PLXNA1: variants seen among roughly 807,000 people sequenced by gnomAD.
PLXNA1 encodes plexin A1.
A neutral mutation model predicts 191.7 loss-of-function variants in PLXNA1; 77 were observed. The ratio of observed to expected loss-of-function variants is 0.40; its 90% CI spans 0.33 to 0.49. The LOEUF (loss-of-function observed/expected upper bound fraction) is 0.49. Among genes scored for constraint, PLXNA1 ranks in the 20% least tolerant of loss-of-function variants. PLXNA1 has a pLI of 0.63. For synonymous variants in PLXNA1, 1,137 were observed against 1,156.4 expected (o/e 0.98, Z 0.34); for missense variants, 2,110 against 2,660.2 (o/e 0.79, Z 4.55).
Position 127,014,562 on chromosome 3 carries a change from C to A in PLXNA1, c.2689C>A (p.Arg897Ser). The change falls in exon 13 of 32, where the codon CGT (arginine) becomes AGT (serine). Residue 897 changes from arginine to serine, a missense_variant. By Grantham distance (110) the Arg-to-Ser change is moderately radical (BLOSUM62 -1). Transcript: ENST00000393409. ...ENLGLRFEDV[R>S]LGVRVGKVLC... Reference sequence around the variant, plus strand: ...CCTGGGCCTGCGATTCGAAGACGTGCGTCTGGGCGTGCGCGTGGGCAAGGT... The same window carrying A: ...CCTGGGCCTGCGATTCGAAGACGTGAGTCTGGGCGTGCGCGTGGGCAAGGT... The A allele has an allele frequency of 1.2e-6, 2 of 1,612,586 alleles. No homozygotes were observed. The highest frequency in any genetic ancestry group is 1.7e-6 in the Non-Finnish European group (2 of 1,179,858).
rs1029037668 is a variant in PLXNA1 at position 127,037,116 on chromosome 3, A to G, written c.*3099A>G. 1.3e-5 allele frequency: 2 copies of G among 152,546 alleles called. No individual in the cohort carries two copies. The highest frequency in any genetic ancestry group is 2.4e-5 in the African/African-American group (1 of 41,462). 9.4% of individuals were successfully genotyped at this position (152,546 alleles called of 1,614,324 possible). ...GCTCACGTTGGTGCTACACAGCTAG[A>G]ATAGATATATTTAGAGAGAGAGATA... On this transcript the variant is annotated 3_prime_UTR_variant, in exon 32 of 32. Coordinates refer to ENST00000393409, the MANE Select transcript of PLXNA1 (RefSeq NM_032242.4).
At chr3:127,023,760 G>C (rs562755374) in intron 23 of PLXNA1, among the ~76,000 whole-genome samples, 4 of 152,204 alleles carry the variant, frequency 2.6e-5, no homozygotes, top group African/African-American at 9.6e-5. Context: ...TGCCGGGAGA[G>C]ACACTGGACG....
chr3:127,029,144 G>A, intron 26 of PLXNA1, 48 bp downstream of exon 26: 2 of 1,426,246 alleles, frequency 1.4e-6, no homozygotes, highest in Non-Finnish European at 9.8e-7. Context: ...TCCCCTTGGG[G>A]CTTCCACAGC....
rs1576690233 is a variant in PLXNA1 at position 127,027,157 on chromosome 3, C to T, written c.4363-783C>T. ...CTGAAGAGGGCACATTGGGTTGGGT[C>T]CACAAGGGCCCATGAAGATGCCAGG... is the stretch of plus-strand genomic sequence containing the variant. On this transcript the variant is annotated intron_variant, in intron 23 of 31. Coordinates refer to ENST00000393409, the MANE Select transcript of PLXNA1 (RefSeq NM_032242.4). 2.7e-5 allele frequency: 5 copies of T among 185,266 alleles called. No homozygotes were observed. In the South Asian group the frequency reaches 6.0e-4, roughly 22 times the overall value. 11.5% of individuals were successfully genotyped at this position (185,266 alleles called of 1,614,324 possible). A position where few individuals can be genotyped will look rare whatever the true frequency, so the allele number is the denominator to read the frequency against.
chr3:127,005,953 G>T, intron 7 of PLXNA1, 126 bp from the exon 8 acceptor site: 8 of 749,154 alleles, frequency 1.1e-5, no homozygotes, highest in Non-Finnish European at 1.7e-5. Context: ...GGCTGGATGC[G>T]TGTTTGATGC....
At chr3:127,022,713 T>G (rs757326106) in intron 22 of PLXNA1, 39 bp from the exon 23 acceptor site, 7 of 1,583,644 alleles carry the variant, frequency 4.4e-6, no homozygotes, top group Middle Eastern at 1.7e-4. Flanking sequence ...GCTGGACAGC[T>G]GGAATGACAC....
intron 9 of PLXNA1, among the ~76,000 whole-genome samples, chr3:127,011,240 A>T (rs2079094137): frequency 6.6e-6 from 1 of 152,172 alleles, no homozygotes; most frequent in Non-Finnish European, 1.5e-5. Context: ...CAGTGGACAC[A>T]GGAGCATCCC....
At chr3:127,008,956 G>A (rs973315397) in intron 9 of PLXNA1, among the ~76,000 whole-genome samples, 1 of 152,146 alleles carries the variant, frequency 6.6e-6, no homozygotes, top group Non-Finnish European at 1.5e-5. Flanking sequence ...GGGTATGCAG[G>A]AGCCAGGGAC....
rs372990520 is a variant in PLXNA1, at chr3:126,991,396, G to T, written c.1207G>T (p.Asp403Tyr). Residue 403 changes from aspartate to tyrosine, a missense_variant, in exon 3 of 32, where the codon GAT becomes TAT. Asp to Tyr is a radical substitution (Grantham distance 160). Around this residue, in one of 4 missense-constraint regions of PLXNA1, gnomAD observed 903 missense variants for 1,015.7 expected, o/e 0.89. Coordinates refer to ENST00000393409, the MANE Select transcript of PLXNA1 (RefSeq NM_032242.4). ...CCCCTTCCCACAGCCCCTGCAGATC[G>T]ATGACGACTTCTGCGGGCAGGACTT... ...LGCINSPLQI[D>Y]DDFCGQDFNQ... The T allele has an allele frequency of 6.8e-6, 11 of 1,612,732 alleles. No homozygotes were observed. In the East Asian group the frequency reaches 8.9e-5, roughly 13 times the overall value.
At chr3:127,018,640 A>G in intron 20 of PLXNA1, 112 bp downstream of exon 20, 1 of 832,710 alleles carries the variant, frequency 1.2e-6, no homozygotes, top group Non-Finnish European at 1.9e-6. Context: ...CTCAGTTTAC[A>G]ATGTTCCTGA....
intron 29 of PLXNA1, chr3:127,031,804 A>G (rs1051445902): frequency 1.3e-5 from 2 of 154,296 alleles, no homozygotes; most frequent in African/African-American, 4.8e-5. Flanking sequence ...GTTCTGTCAC[A>G]GTGGAACATT....
chr3:127,032,936 T>A, intron 31 of PLXNA1, 100 bp downstream of exon 31: 1 of 1,304,632 alleles, frequency 7.7e-7, no homozygotes, highest in Non-Finnish European at 1.1e-6. Flanking sequence ...CCTGAATCTC[T>A]GGGCTGCCAC....
chr3:127,032,765 C>A lies in PLXNA1; in HGVS notation c.5524C>A (p.His1842Asn), dbSNP rs1442362447. Residue 1842 changes from histidine to asparagine, a missense_variant, in exon 31 of 32, where the codon CAC becomes AAC. His to Asn is a moderately conservative substitution (Grantham distance 68). Coordinates refer to ENST00000393409, the MANE Select transcript of PLXNA1 (RefSeq NM_032242.4). ...SAYLAEQSRL[H>N]LSQFNSMSAL... ...GTATCTGGCTGAGCAGTCCCGCCTGCACCTGAGCCAGTTCAACAGCATGAG... is the reference window on the plus strand; with the variant it reads ...GTATCTGGCTGAGCAGTCCCGCCTGAACCTGAGCCAGTTCAACAGCATGAG... The A allele has an allele frequency of 1.2e-6, 2 of 1,613,494 alleles. No homozygotes were observed. Among genetic ancestry groups the A allele is most frequent in the Non-Finnish European group, 8.5e-7 (1 of 1,180,018 alleles).
At chr3:127,000,243 G>A (rs556953620) in intron 3 of PLXNA1, among the ~76,000 whole-genome samples, 1 of 152,254 alleles carries the variant, frequency 6.6e-6, no homozygotes, top group Non-Finnish European at 1.5e-5. Flanking sequence ...ACAGCTGGGG[G>A]AAGATTCCAG....
At chr3:127,027,691 T>TCCTG (rs1379961381) in intron 23 of PLXNA1, 1 of 659,918 alleles carries the variant, frequency 1.5e-6, no homozygotes, top group Non-Finnish European at 2.8e-6. Flanking sequence ...CTACTGCGCC[T>TCCTG]CCTGGCTCAT....
At chr3:127,012,276 C>A in intron 10 of PLXNA1, 118 bp downstream of exon 10, 1 of 1,062,010 alleles carries the variant, frequency 9.4e-7, no homozygotes, top group Non-Finnish European at 1.4e-6. Flanking sequence ...TCACGTGTAT[C>A]TCTGATGAGT....
At chr3:127,007,395 G>T (rs1188796620) in intron 8 of PLXNA1, among the ~76,000 whole-genome samples, 1 of 152,230 alleles carries the variant, frequency 6.6e-6, no homozygotes, top group African/African-American at 2.4e-5. Context: ...TGCTGCTTCA[G>T]TTTAAATCTA....
intron 1 of PLXNA1, among the ~76,000 whole-genome samples, chr3:126,984,167 C>T (rs2078946026): frequency 6.6e-6 from 1 of 152,146 alleles, no homozygotes; most frequent in African/African-American, 2.4e-5. Context: ...GGAGGCCCCT[C>T]GGTCGGCGTG....
At chr3:127,022,872 GA>G in intron 23 of PLXNA1, 54 bp downstream of exon 23, 3 of 1,441,308 alleles carry the variant, frequency 2.1e-6, no homozygotes, top group Non-Finnish European at 2.9e-6. Context: ...AGCGGGAGGG[GA>G]AAACGGAGAG....
Sources: allele counts gnomAD v4.1 joint callset (sites outside exome capture counted in the v4.1 genomes callset), GRCh38; gene constraint gnomAD v4.1.1; regional missense constraint gnomAD v4.1.1; transcripts MANE v1.5; gene names NCBI Gene and HGNC (gene_info 2026-07-23, HGNC 2026-07-21).